The following SLC24A3 variants were observed in gnomAD, a reference collection of about 807,000 sequenced individuals.
The protein encoded by SLC24A3 is solute carrier family 24 member 3.
A neutral mutation model predicts 75.8 loss-of-function variants in SLC24A3; 28 were observed. That is an observed-to-expected ratio of 0.37 (90% CI 0.27 to 0.51). The LOEUF (loss-of-function observed/expected upper bound fraction) is 0.51, where lower values mean the gene tolerates loss of function less well. Among genes scored for constraint, SLC24A3 ranks in the 20% least tolerant of loss-of-function variants. SLC24A3 has a pLI of 0.94. For missense variants in SLC24A3, 663 were observed against 847.8 expected, an observed-to-expected ratio of 0.78 and a Z score of 2.71; for synonymous variants, 372 against 334.1, an observed-to-expected ratio of 1.11 and a Z score of -1.24.
At chr20:19,452,350 G>C (rs1045671126) in intron 2 of SLC24A3, among the ~76,000 whole-genome samples, 1 of 149,064 alleles carries the variant, frequency 6.7e-6, no homozygotes, top group African/African-American at 2.5e-5. Context: ...TGAACAGTAG[G>C]TGGTCAATGT....
intron 6 of SLC24A3, among the ~76,000 whole-genome samples, chr20:19,613,465 C>A (rs2031697725): frequency 1.3e-5 from 2 of 152,152 alleles, no homozygotes; most frequent in African/African-American, 4.8e-5. Context: ...CTAAAGAGTT[C>A]TTTTTTAGAG....
At chr20:19,605,744 C>G (rs576646883) in intron 6 of SLC24A3, among the ~76,000 whole-genome samples, 1 of 152,294 alleles carries the variant, frequency 6.6e-6, no homozygotes, top group South Asian at 2.1e-4. Context: ...CTTGAATCAA[C>G]CCATCGAACG....
At chr20:19,565,469 C>G (rs1304700094) in intron 3 of SLC24A3, among the ~76,000 whole-genome samples, 1 of 152,134 alleles carries the variant, frequency 6.6e-6, no homozygotes, top group African/African-American at 2.4e-5. Flanking sequence ...AGCTGCTTTG[C>G]CTCAAGTTCT....
At position 19,248,646 on chromosome 20, in the gene SLC24A3, G is replaced by A. The variant is rs559429253; in HGVS notation, c.143-32313G>A. Among the ~76,000 whole-genome samples, 160 of 152,128 alleles carry A rather than the reference G, an allele frequency of 1.1e-3. 2 individuals are homozygous for A. The South Asian group carries it at 0.011, about 10-fold the overall frequency. On this transcript the variant is annotated intron_variant, in intron 1 of 16. Transcript: ENST00000328041. ...ATATGATCCAGCAGCTCCACTTCTGGGTATACATCCAAAGACTTTGAAATT... is the reference window on the plus strand; with the variant it reads ...ATATGATCCAGCAGCTCCACTTCTGAGTATACATCCAAAGACTTTGAAATT...
At chr20:19,274,758 C>T (rs1983434137) in intron 1 of SLC24A3, among the ~76,000 whole-genome samples, 1 of 152,202 alleles carries the variant, frequency 6.6e-6, no homozygotes, top group Non-Finnish European at 1.5e-5. Context: ...ATTTGGAGAG[C>T]AGTGCTGCTC....
chr20:19,622,527 A>G (rs1385348688), intron 6 of SLC24A3, among the ~76,000 whole-genome samples: 1 of 152,174 alleles, frequency 6.6e-6, no homozygotes, highest in Non-Finnish European at 1.5e-5. Flanking sequence ...ATGGTTCAAC[A>G]CATTTTCACT....
Position 19,721,056 on chromosome 20 carries a change from G to A in SLC24A3, c.1851G>A (p.Leu617=), listed in dbSNP as rs750828047. ...AGCTGGGCTGTGGGTGCCTCCTCCT[G>A]TATGGTGTGTTCCTGTGCTTCTCCA... is the stretch of plus-strand genomic sequence containing the variant. ...DKKLGCGCLL[L]YGVFLCFSIM... The change falls in exon 17 of 17, where the codon CTG becomes CTA. Residue 617 remains leucine (L), a synonymous_variant. Coordinates refer to ENST00000328041, the MANE Select transcript of SLC24A3 (RefSeq NM_020689.4). 3 of 1,614,144 alleles carry A rather than the reference G, an allele frequency of 1.9e-6. No individual in the cohort carries two copies. The highest frequency in any genetic ancestry group is 1.1e-5 in the South Asian group (1 of 91,078).
intron 2 of SLC24A3, among the ~76,000 whole-genome samples, chr20:19,287,571 C>T (rs1321352311): frequency 6.6e-6 from 1 of 152,170 alleles, no homozygotes; most frequent in Non-Finnish European, 1.5e-5. Context: ...AAAATCATAA[C>T]CCAAATTTAT....
intron 1 of SLC24A3, among the ~76,000 whole-genome samples, chr20:19,240,639 T>C (rs1206492226): frequency 3.3e-5 from 5 of 152,144 alleles, no homozygotes; most frequent in Admixed American, 3.3e-4. Context: ...GCCTGATTTG[T>C]GGGCAGGTGA....
intron 6 of SLC24A3, among the ~76,000 whole-genome samples, chr20:19,602,795 C>T (rs571520294): frequency 9.9e-5 from 15 of 152,272 alleles, no homozygotes; most frequent in African/African-American, 2.9e-4. Flanking sequence ...GGCAAAGGCA[C>T]GGGAGTCCCT....
chr20:19,301,490 T>C (rs143306466), intron 2 of SLC24A3, among the ~76,000 whole-genome samples: 1,740 of 152,350 alleles, frequency 0.011, 16 homozygotes, highest in Non-Finnish European at 0.016. Flanking sequence ...TCCTTGGTTA[T>C]CCTCAGTGAT....
chr20:19,348,750 G>A (rs950474046), intron 2 of SLC24A3, among the ~76,000 whole-genome samples: 7 of 152,126 alleles, frequency 4.6e-5, no homozygotes, highest in African/African-American at 1.7e-4. Context: ...AGGATATGCC[G>A]AGGAGTGCAT....
At chr20:19,646,679 G>T (rs375739085) in intron 6 of SLC24A3, among the ~76,000 whole-genome samples, 1 of 152,186 alleles carries the variant, frequency 6.6e-6, no homozygotes, top group South Asian at 2.1e-4. Flanking sequence ...GATCAAGAGG[G>T]AGAACAGTCA....
chr20:19,453,654 C>T (rs1220198027), intron 2 of SLC24A3, among the ~76,000 whole-genome samples: 1 of 152,216 alleles, frequency 6.6e-6, no homozygotes, highest in African/African-American at 2.4e-5. Context: ...GAGGCATATT[C>T]ACAAGATTTG....
chr20:19,214,190 T>TC (rs1057053432), intron 1 of SLC24A3, among the ~76,000 whole-genome samples: 1 of 152,122 alleles, frequency 6.6e-6, no homozygotes, highest in Non-Finnish European at 1.5e-5. Context: ...TTGACAGACT[T>TC]CATCATTTAT....
chr20:19,526,512 A>C (rs771994098), intron 3 of SLC24A3, among the ~76,000 whole-genome samples: 2 of 152,188 alleles, frequency 1.3e-5, no homozygotes, highest in Non-Finnish European at 2.9e-5. Flanking sequence ...CTTCTTGTCC[A>C]GAAAGTGGCC....
intron 1 of SLC24A3, among the ~76,000 whole-genome samples, chr20:19,270,861 A>G (rs911601877): frequency 6.6e-6 from 1 of 152,192 alleles, no homozygotes; most frequent in Non-Finnish European, 1.5e-5. Flanking sequence ...AAGGGTCTTC[A>G]TCAGGTGGGG....
Position 19,650,048 on chromosome 20 carries a change from C to T in SLC24A3, c.613-4014C>T, listed in dbSNP as rs116493258. Among the ~76,000 whole-genome samples the T allele has an allele frequency of 8.3e-3, 1,256 of 152,242 alleles. 17 individuals are homozygous for T. Among genetic ancestry groups the T allele is most frequent in the African/African-American group, 0.024 (1,009 of 41,546 alleles). On this transcript the variant is annotated intron_variant, in intron 6 of 16. Coordinates refer to ENST00000328041, the MANE Select transcript of SLC24A3 (RefSeq NM_020689.4). ...TGGGCATGAGTTCACGATCACAGAT[C>T]TCACTGTAAGTACCATAGAATTGTG... is the stretch of plus-strand genomic sequence containing the variant.
At chr20:19,468,202 G>A (rs1044685970) in intron 2 of SLC24A3, among the ~76,000 whole-genome samples, 2 of 152,138 alleles carry the variant, frequency 1.3e-5, no homozygotes, top group African/African-American at 4.8e-5. Flanking sequence ...TAAGATGGTA[G>A]CTGACAGTGG....
Sources: gnomAD v4.1 joint callset for allele counts (sites outside exome capture counted in the v4.1 genomes callset) on GRCh38, gnomAD v4.1.1 for gene constraint, MANE v1.5 for transcripts, NCBI Gene and HGNC (gene_info 2026-07-23, HGNC 2026-07-21) for gene names.